The following SOX5 variants were observed in gnomAD, a reference collection of about 807,000 sequenced individuals.
SOX5 encodes the protein SRY-box transcription factor 5.
Under a neutral mutation model 92.0 loss-of-function variants are expected in SOX5, and 9 were observed. The observed-to-expected ratio is 0.10, with a 90% confidence interval of 0.06 to 0.17. SOX5 has a LOEUF of 0.17. Among genes scored for constraint, SOX5 ranks in the 10% least tolerant of loss-of-function variants. The pLI is 1.00. For missense variants in SOX5, 642 were observed against 944.5 expected (o/e 0.68, Z 4.20); for synonymous variants, 344 against 336.3 (o/e 1.02, Z -0.25).
At chr12:24,129,557 A>G (rs994227687) in intron 4 of SOX5, among the ~76,000 whole-genome samples, 3 of 152,146 alleles carry the variant, frequency 2.0e-5, no homozygotes. Flanking sequence ...TCTTCTCTGG[A>G]TATTTTTTAA....
rs879456177 is a variant in SOX5, at chr12:23,922,808, C to A, written c.38+26756G>T. Among the ~76,000 whole-genome samples, 3 of 152,238 alleles carry A rather than the reference C, an allele frequency of 2.0e-5. No homozygotes were observed. In the East Asian group the frequency reaches 5.8e-4, roughly 29 times the overall value. ...ATAAAGATTAATGAATTTTAGCTGA[C>A]GCACTCACAATCTAGTGACATTGCA... On this transcript the variant is annotated intron_variant, in intron 1 of 14. Transcript: ENST00000451604.
chr12:23,878,442 T>A (rs1292594054), intron 2 of SOX5, among the ~76,000 whole-genome samples: 1 of 152,096 alleles, frequency 6.6e-6, no homozygotes, highest in Non-Finnish European at 1.5e-5. Flanking sequence ...ATATTTATGA[T>A]GTTTTATCTC....
At chr12:23,812,702 TAAC>T (rs1389754262) in intron 3 of SOX5, among the ~76,000 whole-genome samples, 2 of 152,160 alleles carry the variant, frequency 1.3e-5, no homozygotes, top group Non-Finnish European at 2.9e-5. Flanking sequence ...AATACTGACT[TAAC>T]CACCATTCAT....
chr12:23,877,700 T>G (rs1346940530), intron 2 of SOX5, among the ~76,000 whole-genome samples: 6 of 152,132 alleles, frequency 3.9e-5, no homozygotes, highest in Non-Finnish European at 7.4e-5. Context: ...AATTGGGATA[T>G]ACTATGAATT....
At chr12:23,841,207 A>T (rs1414635957) in intron 3 of SOX5, among the ~76,000 whole-genome samples, 1 of 152,126 alleles carries the variant, frequency 6.6e-6, no homozygotes, top group African/African-American at 2.4e-5. Flanking sequence ...TAAGCACACA[A>T]AAGATGCTGA....
At chr12:23,692,471 A>G (rs987967391) in intron 6 of SOX5, among the ~76,000 whole-genome samples, 3 of 151,920 alleles carry the variant, frequency 2.0e-5, no homozygotes, top group African/African-American at 4.8e-5. Flanking sequence ...TATTTTCCAA[A>G]TATATTTTGA....
intron 4 of SOX5, among the ~76,000 whole-genome samples, chr12:24,093,530 AAAAAAC>A (rs1040324566): frequency 8.6e-5 from 13 of 151,772 alleles, no homozygotes; most frequent in African/African-American, 2.4e-4. Flanking sequence ...CTCAAAAAAA[AAAAAAC>A]AAAAACAAAA....
intron 2 of SOX5, among the ~76,000 whole-genome samples, chr12:24,277,790 T>A (rs1284273952): frequency 6.6e-6 from 1 of 152,022 alleles, no homozygotes; most frequent in Non-Finnish European, 1.5e-5. Flanking sequence ...TGAGACAGCT[T>A]CAGGTGTCCT....
At chr12:24,045,897 T>TCCATAG (rs11282631) in intron 4 of SOX5, among the ~76,000 whole-genome samples, 72,809 of 151,402 alleles carry the variant, frequency 0.48, 18,680 homozygotes, top group East Asian at 0.82. Context: ...TTTGGTTTAT[T>TCCATAG]CCATAGCTCT....
chr12:24,423,392 T>G (rs529883385), intron 1 of SOX5, among the ~76,000 whole-genome samples: 86 of 152,224 alleles, frequency 5.6e-4, no homozygotes, highest in Non-Finnish European at 9.8e-4. Context: ...CAAATCTACT[T>G]TCTATGATTA....
At chr12:24,214,355 A>T (rs1958994894) in intron 3 of SOX5, among the ~76,000 whole-genome samples, 1 of 152,100 alleles carries the variant, frequency 6.6e-6, no homozygotes, top group Non-Finnish European at 1.5e-5. Flanking sequence ...AACCTCTTGG[A>T]GGCTTATTTT....
At chr12:24,384,562 T>C (rs555658162) in intron 1 of SOX5, among the ~76,000 whole-genome samples, 2 of 152,342 alleles carry the variant, frequency 1.3e-5, no homozygotes, top group South Asian at 2.1e-4. Flanking sequence ...AAAAATCTTA[T>C]GCAGAGGCTG....
At chr12:23,682,975 T>C (rs978421223) in intron 6 of SOX5, among the ~76,000 whole-genome samples, 3 of 151,834 alleles carry the variant, frequency 2.0e-5, no homozygotes, top group Non-Finnish European at 3.0e-5. Context: ...GGAATGTAAA[T>C]ATGTATCATA....
At chr12:24,212,462 C>G in intron 4 of SOX5, 1 of 534,150 alleles carries the variant, frequency 1.9e-6, no homozygotes, top group East Asian at 5.5e-5. Context: ...GGAGCTAAGA[C>G]ACACTCCAGG....
chr12:24,183,156 G>A (rs897870141), intron 4 of SOX5, among the ~76,000 whole-genome samples: 3 of 152,238 alleles, frequency 2.0e-5, no homozygotes, highest in East Asian at 1.9e-4. Flanking sequence ...TTTGTTATTA[G>A]TATGCGTTTT....
intron 3 of SOX5, among the ~76,000 whole-genome samples, chr12:23,783,628 T>C (rs956423597): frequency 3.9e-5 from 6 of 152,040 alleles, no homozygotes; most frequent in African/African-American, 1.4e-4. Flanking sequence ...CTGTTGCAAA[T>C]AAAGAAGCAA....
intron 6 of SOX5, among the ~76,000 whole-genome samples, chr12:23,695,565 T>A (rs1218015780): frequency 6.6e-6 from 1 of 152,190 alleles, no homozygotes. Flanking sequence ...CTATTGATAA[T>A]GAATTTGTAG....
intron 1 of SOX5, among the ~76,000 whole-genome samples, chr12:24,469,422 G>C (rs1348994912): frequency 6.6e-6 from 1 of 152,062 alleles, no homozygotes; most frequent in East Asian, 1.9e-4. Context: ...CATATTTTAG[G>C]GTTCTCCATT....
intron 3 of SOX5, among the ~76,000 whole-genome samples, chr12:23,812,357 G>A (rs1161237310): frequency 6.6e-6 from 1 of 152,018 alleles, no homozygotes; most frequent in African/African-American, 2.4e-5. Context: ...GTTATAGACA[G>A]TAAAAGTGTG....
Sources: allele counts gnomAD v4.1 joint callset (sites outside exome capture counted in the v4.1 genomes callset), GRCh38; gene constraint gnomAD v4.1.1; transcripts MANE v1.5; gene names NCBI Gene and HGNC (gene_info 2026-07-23, HGNC 2026-07-21).